Variants in ULK4 observed in about 807,000 individuals in gnomAD.
ULK4 encodes the protein unc-51 like kinase 4.
ULK4 carries 133 observed loss-of-function variants against 160.6 expected under a neutral mutation model. The ratio of observed to expected loss-of-function variants is 0.83; its 90% CI spans 0.72 to 0.96. The LOEUF (loss-of-function observed/expected upper bound fraction) is 0.96. ULK4 is among the 40% of genes least tolerant of loss of function. ULK4 has a pLI of 0.00. For missense variants in ULK4, 1,580 were observed against 1,499.5 expected, an observed-to-expected ratio of 1.05 and a Z score of -0.89; for synonymous variants, 534 against 539.8, an observed-to-expected ratio of 0.99 and a Z score of 0.15.
intron 15 of ULK4, among the ~76,000 whole-genome samples, chr3:41,896,570 T>C (rs1165665019): frequency 6.6e-6 from 1 of 152,164 alleles, no homozygotes; most frequent in African/African-American, 2.4e-5. Flanking sequence ...CAGATTTTTT[T>C]TTAAATCTTA....
intron 17 of ULK4, among the ~76,000 whole-genome samples, chr3:41,873,193 A>ATCTC (rs2125694598): frequency 6.7e-6 from 1 of 148,874 alleles, no homozygotes; most frequent in South Asian, 2.2e-4. Context: ...TTATCTCTCT[A>ATCTC]TCTCTCTATG....
intron 35 of ULK4, among the ~76,000 whole-genome samples, chr3:41,318,784 T>C (rs971090644): frequency 1.3e-5 from 2 of 152,194 alleles, no homozygotes; most frequent in African/African-American, 2.4e-5. Context: ...TTGGATGTGG[T>C]TGATCGATAT....
chr3:41,254,090 T>C (rs999395357), intron 35 of ULK4, among the ~76,000 whole-genome samples: 3 of 152,114 alleles, frequency 2.0e-5, no homozygotes, highest in Non-Finnish European at 2.9e-5. Context: ...ACAGGATAAG[T>C]AGACAAAAAT....
At chr3:41,651,074 C>T (rs890760304) in intron 30 of ULK4, among the ~76,000 whole-genome samples, 1 of 152,162 alleles carries the variant, frequency 6.6e-6, no homozygotes, top group African/African-American at 2.4e-5. Flanking sequence ...CAATCCACTG[C>T]ACCAGGCTTT....
chr3:41,762,655 C>CGTTTTTT (rs538388454), intron 21 of ULK4, among the ~76,000 whole-genome samples: 1 of 88,976 alleles, frequency 1.1e-5, no homozygotes, highest in African/African-American at 4.5e-5. Context: ...AAGTGTTACA[C>CGTTTTTT]TTTTTTTTTT....
Position 41,814,287 on chromosome 3 carries a change from A to G in ULK4, c.1848+5136T>C, listed in dbSNP as rs149039035. Reference sequence around the variant, plus strand: ...AAGCTTTGTATGCTTAACAAAATCTATAACTTTTCTGTCGCTTTCTCATTT... The same window carrying G: ...AAGCTTTGTATGCTTAACAAAATCTGTAACTTTTCTGTCGCTTTCTCATTT... On this transcript the variant is annotated intron_variant, in intron 19 of 36. Coordinates refer to ENST00000301831, the MANE Select transcript of ULK4 (RefSeq NM_017886.4). Among the ~76,000 whole-genome samples the G allele has an allele frequency of 2.6e-3, 401 of 152,356 alleles. 3 individuals are homozygous for G. The highest frequency in any genetic ancestry group is 0.015 in the South Asian group (71 of 4,824).
Position 41,506,767 on chromosome 3 carries a change from AATATATATATATATATATAT to A in ULK4, c.3227-43534_3227-43515del, listed in dbSNP as rs71075470. Among the ~76,000 whole-genome samples the A allele has an allele frequency of 3.5e-5, 2 of 56,766 alleles. 1 individual carries two copies. The highest frequency in any genetic ancestry group is 1.6e-4 in the African/African-American group (2 of 12,210). 37.2% of individuals were successfully genotyped at this position (56,766 alleles called of 152,430 possible). On this transcript the variant is annotated intron_variant, in intron 32 of 36. Transcript: ENST00000301831. ...AGCAATACACTGGAGTGTGATTTAA[AATATATATATATATATATAT>A]ATATATATATATATATATATGAACA...
intron 17 of ULK4, among the ~76,000 whole-genome samples, chr3:41,882,996 A>G (rs1019193586): frequency 2.6e-5 from 4 of 152,204 alleles, no homozygotes; most frequent in Non-Finnish European, 5.9e-5. Flanking sequence ...CCCCCCAAAA[A>G]AGGAAAAATT....
chr3:41,780,620 C>G (rs534729238), intron 21 of ULK4, among the ~76,000 whole-genome samples: 6 of 152,264 alleles, frequency 3.9e-5, no homozygotes, highest in African/African-American at 1.4e-4. Context: ...GAGAGCCACA[C>G]TGGGTAGGTA....
intron 30 of ULK4, among the ~76,000 whole-genome samples, chr3:41,647,919 C>T (rs2034579622): frequency 1.3e-5 from 2 of 152,242 alleles, no homozygotes; most frequent in Admixed American, 6.5e-5. Context: ...CCTCCCCCAG[C>T]CTCGCTGCCG....
chr3:41,675,502 A>C (rs1271268296), intron 29 of ULK4, among the ~76,000 whole-genome samples: 1 of 152,108 alleles, frequency 6.6e-6, no homozygotes, highest in East Asian at 1.9e-4. Flanking sequence ...AGGCAGGAGA[A>C]TCTCTTGAAC....
chr3:41,662,687 T>C (rs1015338370), intron 30 of ULK4, among the ~76,000 whole-genome samples: 4 of 152,144 alleles, frequency 2.6e-5, no homozygotes, highest in Non-Finnish European at 5.9e-5. Context: ...ACAGATGGTA[T>C]TCAAACCCCA....
intron 35 of ULK4, among the ~76,000 whole-genome samples, chr3:41,309,847 GC>G (rs1188760192): frequency 6.6e-6 from 1 of 150,898 alleles, no homozygotes; most frequent in Non-Finnish European, 1.5e-5. Flanking sequence ...AAAATAATAA[GC>G]AAATGAATTT....
chr3:41,869,910 G>C (rs535002523), intron 17 of ULK4, among the ~76,000 whole-genome samples: 6 of 152,202 alleles, frequency 3.9e-5, no homozygotes, highest in African/African-American at 1.4e-4. Flanking sequence ...TCTCAGTTTG[G>C]AGACTAATTT....
rs551209356 is a variant in ULK4, at chr3:41,851,916, T to C, written c.1657-15945A>G. Among the ~76,000 whole-genome samples, 22 of 151,714 alleles carry C rather than the reference T, an allele frequency of 1.5e-4. No individual in the cohort carries two copies. In the South Asian group the frequency reaches 2.5e-3, roughly 17 times the overall value. On this transcript the variant is annotated intron_variant, in intron 17 of 36. Coordinates refer to ENST00000301831, the MANE Select transcript of ULK4 (RefSeq NM_017886.4). ...AAGATCAGAGCAGAACTGAAGGAGA[T>C]AGAAACACAAAAAAACCCTTCAAAA...
chr3:41,952,552 CA>C (rs148364976), intron 2 of ULK4, among the ~76,000 whole-genome samples: 2 of 150,586 alleles, frequency 1.3e-5, no homozygotes, highest in Admixed American at 6.6e-5. Context: ...TGGTTACTGT[CA>C]AAAAAAAAGA....
chr3:41,681,879 C>T (rs2035936388), intron 27 of ULK4, 75 bp from the exon 28 acceptor site: 1 of 1,528,278 alleles, frequency 6.5e-7, no homozygotes, highest in Non-Finnish European at 9.0e-7. Flanking sequence ...TATATTTTTT[C>T]CACAGACAGA....
At chr3:41,266,958 C>A (rs11720292) in intron 35 of ULK4, among the ~76,000 whole-genome samples, 48,113 of 146,130 alleles carry the variant, frequency 0.33, 9,390 homozygotes, top group Non-Finnish European at 0.45. Context: ...GAAAATATAA[C>A]CCTCTTGCCA....
chr3:41,549,487 G>T (rs2086987279), intron 32 of ULK4, among the ~76,000 whole-genome samples: 1 of 151,894 alleles, frequency 6.6e-6, no homozygotes, highest in Non-Finnish European at 1.5e-5. Flanking sequence ...AAATAACCCA[G>T]TCAGATAAAA....
Sources: gnomAD v4.1 joint callset for allele counts (sites outside exome capture counted in the v4.1 genomes callset) on GRCh38, gnomAD v4.1.1 for gene constraint, MANE v1.5 for transcripts, NCBI Gene and HGNC (gene_info 2026-07-23, HGNC 2026-07-21) for gene names.